Variants in HELB observed in about 807,000 individuals in gnomAD.
HELB encodes the protein DNA 5'-3' helicase B.
A neutral mutation model predicts 101.7 loss-of-function variants in HELB; 96 were observed. That is an observed-to-expected ratio of 0.94 (90% CI 0.80 to 1.12). The LOEUF (loss-of-function observed/expected upper bound fraction) is 1.12. HELB is among the 50% of genes most tolerant of loss of function. HELB has a pLI of 0.00. For synonymous variants in HELB, 437 were observed against 459.7 expected (o/e 0.95, Z 0.63); for missense variants, 1,210 against 1,291.9 (o/e 0.94, Z 0.97).
rs535406134 is a variant in HELB at position 66,324,860 on chromosome 12, A to C, written c.2527-123A>C. 2.3e-4 allele frequency: 284 copies of C among 1,228,562 alleles called. 2 individuals carry two copies. The South Asian group carries it at 3.5e-3, about 15-fold the overall frequency. The allele number at this position is 1,228,562 out of a possible 1,614,324, so 76.1% of individuals were successfully genotyped here. A position where few individuals can be genotyped will look rare whatever the true frequency, so the allele number is the denominator to read the frequency against. On this transcript the variant is annotated intron_variant, in intron 10 of 12. Transcript: ENST00000247815. ...AAATGCAAATTTTAAGCCTTTTGAA[A>C]TTCTTAATGGTAATTGTAATTCTTA...
At chr12:66,334,974 C>T (rs192262083) in intron 12 of HELB, among the ~76,000 whole-genome samples, 186 of 152,020 alleles carry the variant, frequency 1.2e-3, no homozygotes, top group Non-Finnish European at 2.4e-3. Flanking sequence ...GTCTGTATAA[C>T]TTTCTGATTA....
chr12:66,321,995 A>G lies in HELB; in HGVS notation c.2203A>G (p.Asn735Asp). ...TTTACTACAAGAAAATAACTTACAA[A>G]ATGCAAAAACATCACAATTTATTGC... ...KTLLQENNLQ[N>D]AKTSQFIAFR... The change falls in exon 8 of 13, where the codon AAT (asparagine) becomes GAT (aspartate). Residue 735 changes from asparagine to aspartate, a missense_variant. Physicochemically the swap from Asn to Asp is conservative, Grantham distance 23. Around this residue, in one of 2 missense-constraint regions of HELB, gnomAD observed 740 missense variants for 728.8 expected, o/e 1.02. Coordinates refer to ENST00000247815, the MANE Select transcript of HELB (RefSeq NM_001370285.1). 1 of 1,182,098 alleles carries G rather than the reference A, an allele frequency of 8.5e-7. No individual in the cohort carries two copies. The highest frequency in any genetic ancestry group is 1.3e-5 in the South Asian group (1 of 75,826). The allele number at this position is 1,182,098 out of a possible 1,614,324, so 73.2% of individuals were successfully genotyped here. A position where few individuals can be genotyped will look rare whatever the true frequency, so the allele number is the denominator to read the frequency against.
rs1172565312 is a variant in HELB, at chr12:66,302,779, G to A, written c.176G>A (p.Gly59Glu). 60 of 1,609,382 alleles carry A rather than the reference G, an allele frequency of 3.7e-5. No homozygotes were observed. In the East Asian group the frequency reaches 1.3e-3, roughly 35 times the overall value. ...GGCGTAAAGGCTGGCAGCCTCCCCG[G>A]GTGCCTCCGCGGTGAGGAAGGCGTC... The part of the protein sequence containing the change: ...SGGVKAGSLP[G>E]CLRVSICDEN... Residue 59 changes from glycine (G) to glutamate (E), a missense_variant, in exon 1 of 13, where the codon GGG (glycine) becomes GAG (glutamate). By Grantham distance (98) the Gly-to-Glu change is moderately conservative. This residue lies in a region of HELB where 470 missense variants were observed against 563.1 expected (regional missense o/e 0.83). Coordinates refer to ENST00000247815, the MANE Select transcript of HELB (RefSeq NM_001370285.1).
chr12:66,331,973 T>C (rs1352507534), intron 12 of HELB, among the ~76,000 whole-genome samples: 1 of 152,122 alleles, frequency 6.6e-6, no homozygotes, highest in Non-Finnish European at 1.5e-5. Context: ...ATAGTAACAT[T>C]TCAGGCACCA....
rs2053525652 is a variant in HELB, at chr12:66,310,199, A to G, written c.1271A>G (p.Asn424Ser). 6.2e-7 allele frequency: 1 copy of G among 1,614,176 alleles called. No individual in the cohort carries two copies. Among genetic ancestry groups the G allele is most frequent in the Non-Finnish European group, 8.5e-7 (1 of 1,180,002 alleles). ...NPVDVVDTQD[N>S]GDHIWTNGEN... ...GTGGATGTTGTGGACACACAGGACA[A>G]TGGTGACCATATTTGGACTAATGGT... Residue 424 changes from asparagine (N) to serine (S), a missense_variant, in exon 4 of 13, where the codon AAT becomes AGT. Physicochemically the swap from Asn to Ser is conservative, Grantham distance 46. Around this residue, in one of 2 missense-constraint regions of HELB, gnomAD observed 470 missense variants for 563.1 expected, o/e 0.83. Coordinates refer to ENST00000247815, the MANE Select transcript of HELB (RefSeq NM_001370285.1).
intron 11 of HELB, among the ~76,000 whole-genome samples, chr12:66,327,183 G>A (rs1379238197): frequency 6.6e-6 from 1 of 150,836 alleles, no homozygotes; most frequent in Admixed American, 6.6e-5. Flanking sequence ...GTTTGCTAAT[G>A]TCGATTGCAG....
chr12:66,331,491 C>G lies in HELB; in HGVS notation c.3008C>G (p.Ala1003Gly), dbSNP rs1216575035. ...AMTNDVTWSE[A>G]SSPDERTLTF... Reference sequence around the variant, plus strand: ...ACAAATGATGTCACCTGGAGCGAGGCCTCTTCGCCTGATGAGAGGACACTC... The same window carrying G: ...ACAAATGATGTCACCTGGAGCGAGGGCTCTTCGCCTGATGAGAGGACACTC... Residue 1003 changes from alanine (A) to glycine (G), a missense_variant, in exon 12 of 13, where the codon GCC becomes GGC. Physicochemically the swap from Ala to Gly is moderately conservative, Grantham distance 60. This residue lies in a region of HELB where 740 missense variants were observed against 728.8 expected (regional missense o/e 1.02). Transcript: ENST00000247815. 2 of 1,614,030 alleles carry G rather than the reference C, an allele frequency of 1.2e-6. No homozygotes were observed. Among genetic ancestry groups the G allele is most frequent in the Non-Finnish European group, 1.7e-6 (2 of 1,180,028 alleles).
chr12:66,304,588 T>G, intron 1 of HELB, 143 bp from the exon 2 acceptor site: 1 of 672,284 alleles, frequency 1.5e-6, no homozygotes, highest in Non-Finnish European at 2.5e-6. Context: ...CAGAATGCAG[T>G]GTTACAGGCA....
chr12:66,333,175 A>G (rs534714779), intron 12 of HELB, among the ~76,000 whole-genome samples: 83 of 152,336 alleles, frequency 5.4e-4, no homozygotes, highest in African/African-American at 1.8e-3. Flanking sequence ...AGAGAAAATC[A>G]AATTTCAGAT....
chr12:66,303,001 C>CT (rs1565633654), intron 1 of HELB, among the ~76,000 whole-genome samples: 1 of 102,200 alleles, frequency 9.8e-6, no homozygotes, highest in Non-Finnish European at 2.1e-5. Flanking sequence ...TTTTTTTTTT[C>CT]TTTTTTTGAG....
At position 66,305,065 on chromosome 12, in the gene HELB, A is replaced by G; in HGVS notation, c.522A>G (p.Gly174=). Residue 174 remains glycine (G), a synonymous_variant, in exon 2 of 13, where the codon GGA becomes GGG. Coordinates refer to ENST00000247815, the MANE Select transcript of HELB (RefSeq NM_001370285.1). ...ETLRTFHKET[G]RKDQKQPTQN... The stretch of plus-strand genomic sequence containing the variant: ...TAAGAACTTTCCACAAGGAAACTGG[A>G]AGGAAAGATCAAAAGCAGCCTACAC... The G allele has an allele frequency of 6.2e-7, 1 of 1,611,630 alleles. No individual in the cohort carries two copies. The highest frequency in any genetic ancestry group is 1.1e-5 in the South Asian group (1 of 90,566).
At chr12:66,335,851 G>T (rs1444170362) in intron 12 of HELB, among the ~76,000 whole-genome samples, 2 of 152,148 alleles carry the variant, frequency 1.3e-5, no homozygotes, top group African/African-American at 4.8e-5. Context: ...GTTCCAAGCT[G>T]ATCACCTCAT....
downstream of HELB, chr12:66,338,449 C>T (rs1378083658): frequency 5.3e-6 from 1 of 187,546 alleles, no homozygotes; most frequent in Non-Finnish European, 1.1e-5. Flanking sequence ...TGAGACCAGC[C>T]TGACCAACAT....
chr12:66,313,700 G>A (rs1442237868), intron 4 of HELB, among the ~76,000 whole-genome samples: 1 of 152,076 alleles, frequency 6.6e-6, no homozygotes, highest in Non-Finnish European at 1.5e-5. Flanking sequence ...TATCTCAGAT[G>A]GCCACGAGAA....
intron 12 of HELB, 61 bp downstream of exon 12, chr12:66,331,706 T>C (rs967486350): frequency 7.0e-7 from 1 of 1,427,558 alleles, no homozygotes; most frequent in Admixed American, 2.0e-5. Flanking sequence ...TCGGTGTGCT[T>C]ATAAATGACT....
rs1213808017 is a variant in HELB at position 66,309,765 on chromosome 12, G to A, written c.837G>A (p.Gln279=). 3 of 1,613,980 alleles carry A rather than the reference G, an allele frequency of 1.9e-6. No homozygotes were observed. Among genetic ancestry groups the A allele is most frequent in the Non-Finnish European group, 1.7e-6 (2 of 1,179,960 alleles). Residue 279 remains glutamine (Q), a synonymous_variant, in exon 4 of 13, where the codon CAG becomes CAA. Coordinates refer to ENST00000247815, the MANE Select transcript of HELB (RefSeq NM_001370285.1). ...RCEASWIAFC[Q]CESLLQLMTD... Reference sequence around the variant, plus strand: ...AGGCAAGTTGGATAGCATTTTGTCAGTGTGAGTCTCTTCTCCAGCTGATGA... The same window carrying A: ...AGGCAAGTTGGATAGCATTTTGTCAATGTGAGTCTCTTCTCCAGCTGATGA...
rs2053414717 is a variant in HELB, at chr12:66,302,530, A to T, written c.-74A>T. 2 of 1,436,314 alleles carry T rather than the reference A, an allele frequency of 1.4e-6. No individual in the cohort carries two copies. The highest frequency in any genetic ancestry group is 1.9e-6 in the Non-Finnish European group (2 of 1,035,734). 89.0% of individuals were successfully genotyped at this position (1,436,314 alleles called of 1,614,324 possible). A position where few individuals can be genotyped will look rare whatever the true frequency, so the allele number is the denominator to read the frequency against. ...GAAGTTGATGGCCTTACAGTCGTAG[A>T]ACTGATTGGCTGATCATGACCATGC... On this transcript the variant is annotated 5_prime_UTR_variant, in exon 1 of 13. Transcript: ENST00000247815.
intron 12 of HELB, among the ~76,000 whole-genome samples, chr12:66,332,112 C>T (rs184432854): frequency 1.2e-4 from 18 of 152,310 alleles, no homozygotes; most frequent in Non-Finnish European, 1.0e-4. Context: ...GAACCAGCTG[C>T]CTAATCTGCA....
At position 66,310,252 on chromosome 12, in the gene HELB, G is replaced by A. The variant is rs2053526609; in HGVS notation, c.1324G>A (p.Glu442Lys). The A allele has an allele frequency of 6.2e-7, 1 of 1,614,008 alleles. No individual in the cohort carries two copies. The highest frequency in any genetic ancestry group is 1.7e-5 in the Admixed American group (1 of 60,004). The change falls in exon 4 of 13, where the codon GAA becomes AAA. Residue 442 changes from glutamate to lysine, a missense_variant. This residue lies in a region of HELB where 470 missense variants were observed against 563.1 expected (regional missense o/e 0.83). Coordinates refer to ENST00000247815, the MANE Select transcript of HELB (RefSeq NM_001370285.1). ...AAATGAAATTAATGCAGAAATAAGT[G>A]AAGTTCAGCTGGATCAGGATCAGGT... is the stretch of plus-strand genomic sequence containing the variant. The part of the protein sequence containing the change: ...GENEINAEIS[E>K]VQLDQDQVEV...
Sources: allele counts gnomAD v4.1 joint callset (sites outside exome capture counted in the v4.1 genomes callset), GRCh38; gene constraint gnomAD v4.1.1; regional missense constraint gnomAD v4.1.1; transcripts MANE v1.5; gene names NCBI Gene and HGNC (gene_info 2026-07-23, HGNC 2026-07-21).